NTRK2: variants seen among roughly 807,000 people sequenced by gnomAD.
NTRK2 encodes BDNF/NT-3 growth factors receptor.
In NTRK2, 13 loss-of-function variants were observed where a neutral mutation model predicts 94.5. That is an observed-to-expected ratio of 0.14 (90% confidence interval 0.09 to 0.22). The LOEUF is 0.22. NTRK2 is among the 10% of genes least tolerant of loss of function. NTRK2 has a pLI of 1.00. For synonymous variants in NTRK2, 372 were observed against 407.4 expected, an observed-to-expected ratio of 0.91 and a Z score of 1.05; for missense variants, 639 against 1,071.2, an observed-to-expected ratio of 0.60 and a Z score of 5.63.
chr9:84,922,821 G>A (rs1322275575), intron 14 of NTRK2, among the ~76,000 whole-genome samples: 1 of 152,270 alleles, frequency 6.6e-6, no homozygotes, highest in East Asian at 1.9e-4. Context: ...ATGATTAAAT[G>A]GTAAATGAAG....
intron 11 of NTRK2, among the ~76,000 whole-genome samples, chr9:84,745,813 A>G (rs1395608941): frequency 6.6e-6 from 1 of 152,146 alleles, no homozygotes; most frequent in African/African-American, 2.4e-5. Context: ...AGGGTTGGAG[A>G]TAAAGATTGT....
At chr9:84,762,015 G>T (rs1486002349) in intron 12 of NTRK2, among the ~76,000 whole-genome samples, 1 of 151,948 alleles carries the variant, frequency 6.6e-6, no homozygotes, top group Non-Finnish European at 1.5e-5. Context: ...AGTCTCACAC[G>T]ATCTGAGGTT....
chr9:84,868,650 T>C lies in NTRK2; in HGVS notation c.1633+1219T>C, dbSNP rs1587748901. Among the ~76,000 whole-genome samples the C allele has an allele frequency of 2.0e-5, 3 of 152,320 alleles. No individual in the cohort carries two copies. In the South Asian group the frequency reaches 6.2e-4, roughly 32 times the overall value. ...TTAGTTGAAATTAAGGTATTATTAA[T>C]CTTAATACTGTCATTGTGGTGTGAA... On this transcript the variant is annotated intron_variant, in intron 14 of 18. Coordinates refer to ENST00000277120, the MANE Select transcript of NTRK2 (RefSeq NM_006180.6).
At position 84,727,509 on chromosome 9, in the gene NTRK2, A is replaced by G. The variant is rs956749565; in HGVS notation, c.854-145A>G. The G allele has an allele frequency of 7.7e-6, 6 of 782,414 alleles. No individual in the cohort carries two copies. In the Admixed American group the frequency reaches 8.3e-5, roughly 11 times the overall value. 48.5% of individuals were successfully genotyped at this position (782,414 alleles called of 1,614,324 possible). A position where few individuals can be genotyped will look rare whatever the true frequency, so the allele number is the denominator to read the frequency against. On this transcript the variant is annotated intron_variant, in intron 8 of 18. Coordinates refer to ENST00000277120, the MANE Select transcript of NTRK2 (RefSeq NM_006180.6). ...ATCCACCCTGATGATGATACAAAATACTGATGGATTCCAGAGTTTCTGATG... is the reference window on the plus strand; with the variant it reads ...ATCCACCCTGATGATGATACAAAATGCTGATGGATTCCAGAGTTTCTGATG...
intron 2 of NTRK2, among the ~76,000 whole-genome samples, chr9:84,681,356 C>A (rs1237059548): frequency 6.6e-6 from 1 of 152,210 alleles, no homozygotes; most frequent in East Asian, 1.9e-4. Flanking sequence ...TCTGTAACCC[C>A]TACACTCATT....
chr9:84,859,823 A>G (rs1173528978), intron 12 of NTRK2, among the ~76,000 whole-genome samples: 1 of 152,254 alleles, frequency 6.6e-6, no homozygotes, highest in Non-Finnish European at 1.5e-5. Context: ...AACAGCTCCA[A>G]TGACTGAAGT....
intron 12 of NTRK2, among the ~76,000 whole-genome samples, chr9:84,770,809 T>C (rs1418085905): frequency 6.6e-6 from 1 of 152,172 alleles, no homozygotes; most frequent in Non-Finnish European, 1.5e-5. Context: ...TCCAGAGAAA[T>C]TTATTAATGT....
chr9:84,993,756 C>G (rs1360003961), intron 17 of NTRK2, among the ~76,000 whole-genome samples: 2 of 152,208 alleles, frequency 1.3e-5, no homozygotes, highest in African/African-American at 4.8e-5. Context: ...TTACAGCACT[C>G]TAGCTATACT....
At position 84,670,536 on chromosome 9, in the gene NTRK2, G is replaced by C. The variant is rs1311136411; in HGVS notation, c.-213G>C. Reference sequence around the variant, plus strand: ...GTAGCGCCCCCCTGTAAAGCGGTTCGCTATGCCGGGGCCACTGTGAACCCT... The same window carrying C: ...GTAGCGCCCCCCTGTAAAGCGGTTCCCTATGCCGGGGCCACTGTGAACCCT... On this transcript the variant is annotated 5_prime_UTR_variant, in exon 2 of 19. Coordinates refer to ENST00000277120, the MANE Select transcript of NTRK2 (RefSeq NM_006180.6). 1 of 595,204 alleles carries C rather than the reference G, an allele frequency of 1.7e-6. No individual in the cohort carries two copies. The highest frequency in any genetic ancestry group is 3.0e-6 in the Non-Finnish European group (1 of 334,508). The allele number at this position is 595,204 out of a possible 1,614,324, so 36.9% of individuals were successfully genotyped here.
chr9:84,670,631 A>G lies in NTRK2; in HGVS notation c.-118A>G. 1.0e-6 allele frequency: 1 copy of G among 1,003,210 alleles called. No homozygotes were observed. Among genetic ancestry groups the G allele is most frequent in the South Asian group, 1.3e-5 (1 of 75,024 alleles). 62.1% of individuals were successfully genotyped at this position (1,003,210 alleles called of 1,614,324 possible). On this transcript the variant is annotated 5_prime_UTR_variant, in exon 2 of 19. Coordinates refer to ENST00000277120, the MANE Select transcript of NTRK2 (RefSeq NM_006180.6). ...GATAAGCTGGACTCGGCACGCCCGC[A>G]ACAAGCACCGAGGAGTTAAGAGAGC...
At chr9:84,936,024 C>T (rs1376433052) in intron 15 of NTRK2, among the ~76,000 whole-genome samples, 1 of 152,112 alleles carries the variant, frequency 6.6e-6, no homozygotes, top group Non-Finnish European at 1.5e-5. Context: ...GTTCTGGGTG[C>T]ATATTTTGTA....
chr9:84,947,241 C>T (rs1329671393), intron 15 of NTRK2, among the ~76,000 whole-genome samples: 2 of 152,212 alleles, frequency 1.3e-5, no homozygotes, highest in African/African-American at 2.4e-5. Flanking sequence ...CAGGCATGAG[C>T]TACTGTACCC....
At chr9:84,988,451 C>T (rs1346520556) in intron 17 of NTRK2, among the ~76,000 whole-genome samples, 13 of 152,180 alleles carry the variant, frequency 8.5e-5, no homozygotes, top group African/African-American at 3.1e-4. Flanking sequence ...CACAAACACA[C>T]ACACACTCAC....
At chr9:84,676,960 AGTGTGTGTGT>A (rs58789627) in intron 2 of NTRK2, among the ~76,000 whole-genome samples, 1 of 150,000 alleles carries the variant, frequency 6.7e-6, no homozygotes, top group Non-Finnish European at 1.5e-5. Context: ...ACTGTGTGTG[AGTGTGTGTGT>A]GTGTGTGTGT....
intron 9 of NTRK2, among the ~76,000 whole-genome samples, chr9:84,739,447 G>A (rs2063485906): frequency 6.6e-6 from 1 of 152,230 alleles, no homozygotes; most frequent in African/African-American, 2.4e-5. Flanking sequence ...GTGAATAGAT[G>A]TGATGTTCTT....
chr9:84,909,449 T>G, intron 14 of NTRK2, among the ~76,000 whole-genome samples: 1 of 152,092 alleles, frequency 6.6e-6, no homozygotes, highest in East Asian at 1.9e-4. Context: ...GTGCAATTAC[T>G]CGGTGGTAGG....
chr9:84,843,778 A>G (rs753576179), intron 12 of NTRK2, among the ~76,000 whole-genome samples: 3 of 152,238 alleles, frequency 2.0e-5, no homozygotes, highest in Non-Finnish European at 4.4e-5. Context: ...TTTACAATCT[A>G]GCTGAGGACA....
intron 9 of NTRK2, among the ~76,000 whole-genome samples, chr9:84,729,879 T>C (rs2062719063): frequency 6.6e-6 from 1 of 152,202 alleles, no homozygotes; most frequent in Non-Finnish European, 1.5e-5. Context: ...TGTCTTTCCT[T>C]TTGAACATTT....
At chr9:84,764,885 G>T (rs954084263) in intron 12 of NTRK2, among the ~76,000 whole-genome samples, 1 of 152,172 alleles carries the variant, frequency 6.6e-6, no homozygotes, top group Admixed American at 6.5e-5. Flanking sequence ...CCATAAAAAG[G>T]AATGAGATTC....
Sources: gnomAD v4.1 joint callset for allele counts (sites outside exome capture counted in the v4.1 genomes callset) on GRCh38, gnomAD v4.1.1 for gene constraint, MANE v1.5 for transcripts, NCBI Gene and HGNC (gene_info 2026-07-23, HGNC 2026-07-21) for gene names.